The following PCCB variants were observed in gnomAD, a reference collection of about 807,000 sequenced individuals.
The protein encoded by PCCB is propionyl-CoA carboxylase subunit beta.
Under a neutral mutation model 60.7 loss-of-function variants are expected in PCCB, and 43 were observed. That is an observed-to-expected ratio of 0.71 (90% CI 0.55 to 0.91). The LOEUF (loss-of-function observed/expected upper bound fraction) is 0.91, where lower values mean the gene tolerates loss of function less well. PCCB is among the 40% of genes least tolerant of loss of function. PCCB has a pLI of 0.00. For synonymous variants in PCCB, 276 were observed against 255.9 expected (o/e 1.08, Z -0.75); for missense variants, 766 against 702.8 (o/e 1.09, Z -1.02).
chr3:136,292,592 A>G (rs1260091800), intron 6 of PCCB, among the ~76,000 whole-genome samples: 2 of 152,246 alleles, frequency 1.3e-5, no homozygotes, highest in African/African-American at 4.8e-5. Flanking sequence ...TATGGAATAG[A>G]ATGATCTTCA....
At chr3:136,264,440 GTA>G (rs370057075) in intron 5 of PCCB, among the ~76,000 whole-genome samples, 9 of 123,812 alleles carry the variant, frequency 7.3e-5, no homozygotes, top group African/African-American at 1.8e-4. Context: ...ATGTGTGTGT[GTA>G]TATATGTATA....
intron 6 of PCCB, among the ~76,000 whole-genome samples, chr3:136,290,086 C>T (rs1576331739): frequency 1.3e-5 from 2 of 152,102 alleles, no homozygotes; most frequent in African/African-American, 4.8e-5. Flanking sequence ...CAAAAGTTTT[C>T]ATTTTACCTT....
At chr3:136,325,832 G>A (rs767704961) in intron 10 of PCCB, among the ~76,000 whole-genome samples, 2 of 151,584 alleles carry the variant, frequency 1.3e-5, no homozygotes, top group Non-Finnish European at 2.9e-5. Flanking sequence ...CTGTTTTTTT[G>A]AGATGGAGTG....
intron 6 of PCCB, among the ~76,000 whole-genome samples, chr3:136,293,035 C>A (rs1460945635): frequency 6.6e-6 from 1 of 152,080 alleles, no homozygotes; most frequent in Non-Finnish European, 1.5e-5. Flanking sequence ...GTTTTTGAGA[C>A]AGGTTTTTAC....
In PCCB at chr3:136,284,592, A is replaced by G. The variant is rs368005482; in HGVS notation, c.654+645A>G. Reference sequence around the variant, plus strand: ...TGCCAAGACAGAATGGTTGGGGGGAAAAAGTAGTGATAGCCATCCAACTTG... The same window carrying G: ...TGCCAAGACAGAATGGTTGGGGGGAGAAAGTAGTGATAGCCATCCAACTTG... On this transcript the variant is annotated intron_variant, in intron 6 of 14. Coordinates refer to ENST00000251654, the MANE Select transcript of PCCB (RefSeq NM_000532.5). Among the ~76,000 whole-genome samples, 200 of 152,322 alleles carry G rather than the reference A, an allele frequency of 1.3e-3. 1 individual carries two copies. In the Middle Eastern group the frequency reaches 0.017, roughly 13 times the overall value.
At chr3:136,260,809 A>G (rs1416797855) in intron 4 of PCCB, among the ~76,000 whole-genome samples, 1 of 152,250 alleles carries the variant, frequency 6.6e-6, no homozygotes, top group Non-Finnish European at 1.5e-5. Context: ...CACATTTAGA[A>G]TATACGTGCT....
At chr3:136,268,113 T>C (rs1481735102) in intron 5 of PCCB, among the ~76,000 whole-genome samples, 26 of 134,006 alleles carry the variant, frequency 1.9e-4, no homozygotes, top group African/African-American at 7.6e-4. Context: ...TATATATATA[T>C]ATATATATGT....
chr3:136,313,820 T>G (rs140097619), intron 9 of PCCB, among the ~76,000 whole-genome samples: 77 of 152,320 alleles, frequency 5.1e-4, no homozygotes, highest in Admixed American at 3.1e-3. Flanking sequence ...TTAGCAGTTC[T>G]GAAACCATTT....
intron 5 of PCCB, among the ~76,000 whole-genome samples, chr3:136,265,392 C>T (rs1236527231): frequency 6.6e-6 from 1 of 152,146 alleles, no homozygotes; most frequent in Non-Finnish European, 1.5e-5. Flanking sequence ...ATTCCTCACC[C>T]AACTTTCTTA....
intron 1 of PCCB, chr3:136,251,140 G>T (rs913853466): frequency 6.7e-6 from 3 of 446,074 alleles, no homozygotes; most frequent in South Asian, 1.6e-5. Flanking sequence ...GCAAAGGCAC[G>T]TGTCGGAAGC....
intron 9 of PCCB, among the ~76,000 whole-genome samples, chr3:136,305,727 C>T (rs1386164245): frequency 1.0e-5 from 1 of 96,532 alleles, no homozygotes; most frequent in Non-Finnish European, 2.2e-5. Context: ...TCAGCCTGGG[C>T]GATGAGTGAA....
chr3:136,301,498 A>G (rs954628819), intron 9 of PCCB, among the ~76,000 whole-genome samples: 1 of 152,026 alleles, frequency 6.6e-6, no homozygotes, highest in Non-Finnish European at 1.5e-5. Context: ...TAGAGAAGAG[A>G]GTACACAGGG....
At chr3:136,314,689 A>C (rs1934811757) in intron 9 of PCCB, among the ~76,000 whole-genome samples, 1 of 152,044 alleles carries the variant, frequency 6.6e-6, no homozygotes, top group Non-Finnish European at 1.5e-5. Context: ...AAAACAAAAC[A>C]AAAAAACTCA....
Position 136,329,902 on chromosome 3 carries a change from C to T in PCCB, c.1499-3C>T, listed in dbSNP as rs1183762017. Reference sequence around the variant, plus strand: ...ATCCACTCCCTTTTCTGTGCTTCACCAGGGTTTGTGGATGACATCATCCAA... The same window carrying T: ...ATCCACTCCCTTTTCTGTGCTTCACTAGGGTTTGTGGATGACATCATCCAA... On this transcript the variant is annotated splice_region_variant and splice_polypyrimidine_tract_variant and intron_variant, in intron 14 of 14. Transcript: ENST00000251654. The T allele has an allele frequency of 6.2e-7, 1 of 1,614,088 alleles. No homozygotes were observed. Among genetic ancestry groups the T allele is most frequent in the Non-Finnish European group, 8.5e-7 (1 of 1,179,964 alleles).
chr3:136,308,392 T>TTCACAA (rs1342252058), intron 9 of PCCB, among the ~76,000 whole-genome samples: 3 of 152,048 alleles, frequency 2.0e-5, no homozygotes, highest in Middle Eastern at 3.2e-3. Context: ...AAAGCCATAG[T>TTCACAA]TCACAATGAT....
chr3:136,299,870 G>A (rs149177357), intron 8 of PCCB, among the ~76,000 whole-genome samples: 5 of 148,286 alleles, frequency 3.4e-5, no homozygotes, highest in East Asian at 2.1e-4. Context: ...GTATGTATAT[G>A]CATGCATGTG....
intron 8 of PCCB, among the ~76,000 whole-genome samples, chr3:136,300,080 A>T (rs1016413084): frequency 6.8e-6 from 1 of 146,716 alleles, no homozygotes; most frequent in Non-Finnish European, 1.5e-5. Flanking sequence ...ATATATGCAT[A>T]TACGCATATC....
chr3:136,323,004 T>G (rs1482970172), intron 10 of PCCB, among the ~76,000 whole-genome samples: 2 of 151,748 alleles, frequency 1.3e-5, no homozygotes, highest in Admixed American at 6.6e-5. Flanking sequence ...ATGAGTTTTT[T>G]TTTTTTTTTT....
At chr3:136,287,522 T>G (rs1933473977) in intron 6 of PCCB, among the ~76,000 whole-genome samples, 1 of 151,992 alleles carries the variant, frequency 6.6e-6, no homozygotes, top group Admixed American at 6.6e-5. Context: ...AACCTTTGCC[T>G]CCTCGGTTTA....
Sources: gnomAD v4.1 joint callset for allele counts (sites outside exome capture counted in the v4.1 genomes callset) on GRCh38, gnomAD v4.1.1 for gene constraint, MANE v1.5 for transcripts, NCBI Gene and HGNC (gene_info 2026-07-23, HGNC 2026-07-21) for gene names.